Variants in TNXB observed in about 807,000 individuals in gnomAD.
TNXB encodes the protein tenascin XB, also known as tenascin-X.
A neutral mutation model predicts 340.5 loss-of-function variants in TNXB; 183 were observed. The ratio of observed to expected loss-of-function variants is 0.54; its 90% confidence interval spans 0.48 to 0.61. The LOEUF is 0.61. TNXB is among the 20% of genes least tolerant of loss of function. The pLI is 0.00. For missense variants in TNXB, 4,613 were observed against 5,446.4 expected, an observed-to-expected ratio of 0.85 and a Z score of 4.82; for synonymous variants, 2,121 against 2,314.5, an observed-to-expected ratio of 0.92 and a Z score of 2.40.
In TNXB at chr6:32,081,303, C is replaced by A; in HGVS notation, c.4042+65G>T. On this transcript the variant is annotated intron_variant, in intron 10 of 43. Transcript: ENST00000644971. This position sits in a 1 kb window ranked among gnomAD's most constrained non-coding sequence, Gnocchi z 5.1. ...AAGATGGAGGGAGGCTGGAAGGAGC[C>A]CCAGCCAAGTCCCGCTCACAGGATG... is the stretch of plus-strand genomic sequence containing the variant. 1 of 1,448,560 alleles carries A rather than the reference C, an allele frequency of 6.9e-7. No individual in the cohort carries two copies. The allele number at this position is 1,448,560 out of a possible 1,614,324, so 89.7% of individuals were successfully genotyped here.
rs775887579 is a variant in TNXB, at chr6:32,048,437, C to T, written c.9971G>A (p.Arg3324His). 1.4e-5 allele frequency: 22 copies of T among 1,572,376 alleles called. No homozygotes were observed. The highest frequency in any genetic ancestry group is 2.3e-5 in the South Asian group (2 of 85,808). ...TCCAAAGAGCAGGAACTTGTACTTG[C>T]GGGCCGGGTCCAGCCCCGAGACGGC... ...AVAVSGLDPA[R>H]KYKFLLFGLQ... The change falls in exon 29 of 44, where the codon CGC (arginine) becomes CAC (histidine). Residue 3324 changes from arginine (R) to histidine (H), a missense_variant. Arg to His is a conservative substitution (Grantham distance 29, BLOSUM62 0). Around this residue, in one of 7 missense-constraint regions of TNXB, gnomAD observed 4,327 missense variants for 4,859.4 expected, o/e 0.89. Coordinates refer to ENST00000644971, the MANE Select transcript of TNXB (RefSeq NM_001365276.2).
rs1462486516 is a variant in TNXB, at chr6:32,082,177, G to A, written c.3595C>T (p.Arg1199Trp). Reference protein sequence around the residue: ...FMVQYRDRDGRPQVVPVEGPE... With the variant: ...FMVQYRDRDGWPQVVPVEGPE... ...CCTTCCACAGGTACCACCTGGGGCCGTCCATCCCTGTCCCTGTACTGGACC... is the reference window on the plus strand; with the variant it reads ...CCTTCCACAGGTACCACCTGGGGCCATCCATCCCTGTCCCTGTACTGGACC... Residue 1199 changes from arginine (R) to tryptophan (W), a missense_variant, in exon 9 of 44, where the codon CGG becomes TGG. This residue lies in a region of TNXB where 4,327 missense variants were observed against 4,859.4 expected (regional missense o/e 0.89). Transcript: ENST00000644971. This position sits in a 1 kb window ranked among gnomAD's most constrained non-coding sequence, Gnocchi z 5.0. 1.1e-5 allele frequency: 17 copies of A among 1,612,656 alleles called. No individual in the cohort carries two copies. The highest frequency in any genetic ancestry group is 4.5e-5 in the East Asian group (2 of 44,882).
At chr6:32,098,320 AC>A in intron 1 of TNXB, 114 bp from the exon 2 acceptor site, 1 of 862,102 alleles carries the variant, frequency 1.2e-6, no homozygotes, top group Non-Finnish European at 1.7e-6. Context: ...TACCCAACTC[AC>A]ATGCATGTAA....
chr6:32,042,887 G>C, intron 38 of TNXB, 56 bp from the exon 39 acceptor site: 1 of 421,374 alleles, frequency 2.4e-6, no homozygotes, highest in Non-Finnish European at 4.0e-6. Flanking sequence ...CCTCCGGGAG[G>C]GCCAGAGGCA....
chr6:32,086,182 G>A, intron 6 of TNXB, 64 bp from the exon 7 acceptor site: 1 of 1,427,854 alleles, frequency 7.0e-7, no homozygotes, highest in Non-Finnish European at 9.2e-7. Context: ...GGAATCCCCA[G>A]TCCCCAGGTT....
chr6:32,079,343 C>T lies in TNXB; in HGVS notation c.4065G>A (p.Glu1355=). The T allele has an allele frequency of 6.2e-7, 1 of 1,609,816 alleles. No homozygotes were observed. ...TGCCCAGTTCTGTGGGGCTGGGGGT[C>T]TCGTCCACATCCTCCTGAGGAGCTG... ...AKTAPQEDVD[E]TPSPTELGTE... is the part of the protein sequence containing the mutation. The change falls in exon 11 of 44, where the codon GAG becomes GAA. Residue 1355 remains glutamate (E), a synonymous_variant. Coordinates refer to ENST00000644971, the MANE Select transcript of TNXB (RefSeq NM_001365276.2). This position sits in a 1 kb window ranked among gnomAD's most constrained non-coding sequence, Gnocchi z 7.1.
At position 32,046,137 on chromosome 6, in the gene TNXB, A is replaced by G; in HGVS notation, c.10606+38T>C. 1 of 1,560,780 alleles carries G rather than the reference A, an allele frequency of 6.4e-7. No individual in the cohort carries two copies. Among genetic ancestry groups the G allele is most frequent in the Non-Finnish European group, 8.7e-7 (1 of 1,148,588 alleles). On this transcript the variant is annotated intron_variant, in intron 31 of 43. Coordinates refer to ENST00000644971, the MANE Select transcript of TNXB (RefSeq NM_001365276.2). This position sits in a 1 kb window ranked among gnomAD's most constrained non-coding sequence, Gnocchi z 6.9. ...AGCCCAAATGCACAAGGAAACCCAC[A>G]CAAGCTGGCTTGCTATAGCCAGGCA...
rs750109163 is a variant in TNXB, at chr6:32,089,288, T to A, written c.2450A>T (p.Gln817Leu). The stretch of plus-strand genomic sequence containing the variant: ...CCCTCGAAGGGCTCGGACAGTGACC[T>A]GGTACTCCTGTCCAGGGGCCAGTCC... ...QRGLAPGQEY[Q>L]VTVRALRGTS... Residue 817 changes from glutamine (Q) to leucine (L), a missense_variant, in exon 5 of 44, where the codon CAG (glutamine) becomes CTG (leucine). By Grantham distance (113) the Gln-to-Leu change is moderately radical. This residue lies in a region of TNXB where 4,327 missense variants were observed against 4,859.4 expected (regional missense o/e 0.89). Coordinates refer to ENST00000644971, the MANE Select transcript of TNXB (RefSeq NM_001365276.2). The surrounding 1 kb of genome is among the most constrained non-coding windows in gnomAD (Gnocchi z 6.2). The A allele has an allele frequency of 6.2e-7, 1 of 1,607,748 alleles. No homozygotes were observed. Among genetic ancestry groups the A allele is most frequent in the African/African-American group, 1.3e-5 (1 of 75,034 alleles).
In TNXB at chr6:32,064,497, A is replaced by G. The variant is rs1778212721; in HGVS notation, c.6841+324T>C. Among the ~76,000 whole-genome samples, 1 of 152,200 alleles carries G rather than the reference A, an allele frequency of 6.6e-6. No homozygotes were observed. Among genetic ancestry groups the G allele is most frequent in the African/African-American group, 2.4e-5 (1 of 41,452 alleles). On this transcript the variant is annotated intron_variant, in intron 19 of 43. Transcript: ENST00000644971. This position sits in a 1 kb window ranked among gnomAD's most constrained non-coding sequence, Gnocchi z 5.3. The stretch of plus-strand genomic sequence containing the variant: ...CCAAAGTGCTGGGATTACAGGCATG[A>G]GCCACCGTGCCCAGACAGGTTGTGT...
At position 32,072,317 on chromosome 6, in the gene TNXB, A is replaced by AAG; in HGVS notation, c.4682-21_4682-20dup. On this transcript the variant is annotated intron_variant, in intron 12 of 43. Transcript: ENST00000644971. The surrounding 1 kb of genome is among the most constrained non-coding windows in gnomAD (Gnocchi z 4.4). ...AGGGGAGCTGGGATTTGGGAAGACAAAGAACATGGTTGAGATCTCTGAGGG... is the reference window on the plus strand; with the variant it reads ...AGGGGAGCTGGGATTTGGGAAGACAAAGAGAACATGGTTGAGATCTCTGAGGG... The AAG allele has an allele frequency of 1.9e-6, 3 of 1,584,050 alleles. No individual in the cohort carries two copies. In the South Asian group the frequency reaches 3.4e-5, roughly 18 times the overall value.
At position 32,079,280 on chromosome 6, in the gene TNXB, C is replaced by G. The variant is rs749727779; in HGVS notation, c.4128G>C (p.Gly1376=). The change falls in exon 11 of 44, where the codon GGG becomes GGC. Residue 1376 remains glycine, a synonymous_variant. Coordinates refer to ENST00000644971, the MANE Select transcript of TNXB (RefSeq NM_001365276.2). The surrounding 1 kb of genome is among the most constrained non-coding windows in gnomAD (Gnocchi z 7.1). ...GGGAGGATCCTGTCACTGTCAGCTCCCCCAGGAGCGGCTCCTCGGGGGACT... is the reference window on the plus strand; with the variant it reads ...GGGAGGATCCTGTCACTGTCAGCTCGCCCAGGAGCGGCTCCTCGGGGGACT... ...APESPEEPLL[G]ELTVTGSSPD... is the part of the protein sequence containing the mutation. The G allele has an allele frequency of 6.2e-7, 1 of 1,613,126 alleles. No individual in the cohort carries two copies. Among genetic ancestry groups the G allele is most frequent in the Non-Finnish European group, 8.5e-7 (1 of 1,179,878 alleles).
In TNXB at chr6:32,083,464, T is replaced by C. The variant is rs1779591406; in HGVS notation, c.3445+949A>G. 6.6e-6 allele frequency among the ~76,000 whole-genome samples: 1 copy of C among 152,100 alleles called. No individual in the cohort carries two copies. The highest frequency in any genetic ancestry group is 1.5e-5 in the Non-Finnish European group (1 of 68,010). ...CTCTCAATAAATGCACAAAAGGTATTTATGTAAGTGTCTCTTAGATATTGA... is the reference window on the plus strand; with the variant it reads ...CTCTCAATAAATGCACAAAAGGTATCTATGTAAGTGTCTCTTAGATATTGA... On this transcript the variant is annotated intron_variant, in intron 8 of 43. Coordinates refer to ENST00000644971, the MANE Select transcript of TNXB (RefSeq NM_001365276.2). The surrounding 1 kb of genome is among the most constrained non-coding windows in gnomAD (Gnocchi z 4.6).
chr6:32,077,508 G>A (rs1388005569), intron 11 of TNXB, among the ~76,000 whole-genome samples: 1 of 152,204 alleles, frequency 6.6e-6, no homozygotes, highest in East Asian at 1.9e-4. Context: ...GTTTCTGTGA[G>A]CAAAGGAAAA....
chr6:32,059,982 A>C (rs1334852859), intron 21 of TNXB, among the ~76,000 whole-genome samples: 1 of 151,964 alleles, frequency 6.6e-6, no homozygotes, highest in Non-Finnish European at 1.5e-5. Context: ...TAACCTCATG[A>C]TCTCCACCCC....
chr6:32,065,005 GCC>G lies in TNXB; in HGVS notation c.6655_6656del (p.Gly2219ProfsTer3). The G allele has an allele frequency of 1.9e-6, 3 of 1,612,038 alleles. No homozygotes were observed. The highest frequency in any genetic ancestry group is 2.5e-6 in the Non-Finnish European group (3 of 1,179,494). ...ACTGGACCAAGAAATGGTCAAACTG[GCC>G]CTCGGGGACTGTCCAGGAGAGGCTG... The part of the protein sequence containing the change: ...SLSLSWTVPE[G>X]QFDHFLVQFK... On this transcript the variant is annotated frameshift_variant, in exon 19 of 44. Coordinates refer to ENST00000644971, the MANE Select transcript of TNXB (RefSeq NM_001365276.2). LOFTEE classifies it high-confidence loss of function.
intron 24 of TNXB, among the ~76,000 whole-genome samples, chr6:32,055,059 C>T (rs767278007): frequency 2.0e-5 from 3 of 152,218 alleles, no homozygotes; most frequent in Non-Finnish European, 2.9e-5. Context: ...TGCTTCTTTA[C>T]CAATGGCAGC....
chr6:32,046,265 C>T lies in TNXB; in HGVS notation c.10516G>A (p.Asp3506Asn), dbSNP rs1776866246. 6.2e-7 allele frequency: 1 copy of T among 1,605,974 alleles called. No individual in the cohort carries two copies. Reference sequence around the variant, plus strand: ...TTGTATTTCTTGCCAGGCTCCAGGTCCTCTACGGTGACTGTGCGCTGGTCT... The same window carrying T: ...TTGTATTTCTTGCCAGGCTCCAGGTTCTCTACGGTGACTGTGCGCTGGTCT... ...AADQRTVTVE[D>N]LEPGKKYKFL... Residue 3506 changes from aspartate (D) to asparagine (N), a missense_variant, in exon 31 of 44, where the codon GAC becomes AAC. Coordinates refer to ENST00000644971, the MANE Select transcript of TNXB (RefSeq NM_001365276.2). This position sits in a 1 kb window ranked among gnomAD's most constrained non-coding sequence, Gnocchi z 6.9.
In TNXB at chr6:32,049,318, G is replaced by A. The variant is rs1341085206; in HGVS notation, c.9709C>T (p.Leu3237Phe). The part of the protein sequence containing the change: ...GRKYKMHLYG[L>F]HEGQRVGPVS... The stretch of plus-strand genomic sequence containing the variant: ...GGGCCCACGCGCTGCCCCTCGTGGA[G>A]GCCGTACAGATGCATCTTGTATTTG... The change falls in exon 28 of 44, where the codon CTC (leucine) becomes TTC (phenylalanine). Residue 3237 changes from leucine (L) to phenylalanine (F), a missense_variant. Leu to Phe is a conservative substitution (Grantham distance 22). Around this residue, in one of 7 missense-constraint regions of TNXB, gnomAD observed 4,327 missense variants for 4,859.4 expected, o/e 0.89. Coordinates refer to ENST00000644971, the MANE Select transcript of TNXB (RefSeq NM_001365276.2). The surrounding 1 kb of genome is among the most constrained non-coding windows in gnomAD (Gnocchi z 4.5). The A allele has an allele frequency of 6.2e-7, 1 of 1,612,426 alleles. No individual in the cohort carries two copies. The highest frequency in any genetic ancestry group is 8.5e-7 in the Non-Finnish European group (1 of 1,179,838).
intron 4 of TNXB, chr6:32,093,357 AG>A (rs1562870317): frequency 2.9e-6 from 2 of 700,694 alleles, no homozygotes; most frequent in Non-Finnish European, 5.2e-6. Flanking sequence ...TTTAAACAGA[AG>A]AAAAAATTCA....
Sources: gnomAD v4.1 joint callset for allele counts (sites outside exome capture counted in the v4.1 genomes callset) on GRCh38, gnomAD v4.1.1 for gene constraint, gnomAD v4.1.1 regional missense constraint, Gnocchi (gnomAD v3.1) non-coding constraint, MANE v1.5 for transcripts, NCBI Gene and HGNC (gene_info 2026-07-23, HGNC 2026-07-21) for gene names.